The following ARHGAP24 variants were observed in gnomAD, a reference collection of about 807,000 sequenced individuals.
ARHGAP24 encodes the protein rho GTPase-activating protein 24.
Under a neutral mutation model 76.4 loss-of-function variants are expected in ARHGAP24, and 50 were observed. That is an observed-to-expected ratio of 0.65 (90% CI 0.52 to 0.83). ARHGAP24 has a LOEUF of 0.83. Ranked by LOEUF, ARHGAP24 falls within the 40% of genes least tolerant of loss-of-function variation. The pLI is 0.00. For synonymous variants in ARHGAP24, 345 were observed against 323.3 expected, an observed-to-expected ratio of 1.07 and a Z score of -0.72; for missense variants, 930 against 914.2, an observed-to-expected ratio of 1.02 and a Z score of -0.22.
At chr4:85,738,921 A>G (rs966160666) in intron 3 of ARHGAP24, among the ~76,000 whole-genome samples, 1 of 152,152 alleles carries the variant, frequency 6.6e-6, no homozygotes, top group African/African-American at 2.4e-5. Flanking sequence ...ATGTTTCTTA[A>G]AAAGTCTCAT....
intron 3 of ARHGAP24, among the ~76,000 whole-genome samples, chr4:85,777,664 T>C (rs1347160206): frequency 6.6e-6 from 1 of 152,170 alleles, no homozygotes; most frequent in African/African-American, 2.4e-5. Flanking sequence ...AACCCTTTGA[T>C]TTTATTTGAA....
chr4:85,709,541 T>G (rs1192564914), intron 2 of ARHGAP24, among the ~76,000 whole-genome samples: 1 of 152,140 alleles, frequency 6.6e-6, no homozygotes, highest in East Asian at 1.9e-4. Context: ...TGATGACATA[T>G]TAAAAGCATC....
chr4:85,524,946 T>C lies in ARHGAP24; in HGVS notation c.-20-45576T>C, dbSNP rs1369206491. Among the ~76,000 whole-genome samples the C allele has an allele frequency of 2.0e-5, 3 of 152,284 alleles. No homozygotes were observed. In the East Asian group the frequency reaches 5.8e-4, roughly 29 times the overall value. ...ATGAAGGGAGGGGAAAGCTAGGAGA[T>C]GGCTTATGGATTGCCCCAATACTAT... is the stretch of plus-strand genomic sequence containing the variant. On this transcript the variant is annotated intron_variant, in intron 1 of 9. Coordinates refer to ENST00000395184, the MANE Select transcript of ARHGAP24 (RefSeq NM_001025616.3).
intron 5 of ARHGAP24, among the ~76,000 whole-genome samples, chr4:85,944,519 G>A (rs551454413): frequency 4.7e-4 from 72 of 152,234 alleles, no homozygotes; most frequent in South Asian, 1.0e-3. Flanking sequence ...TCTGTAGGTC[G>A]CCTGTTCACG....
At chr4:85,756,130 G>A (rs1009356267) in intron 3 of ARHGAP24, among the ~76,000 whole-genome samples, 11 of 152,000 alleles carry the variant, frequency 7.2e-5, no homozygotes, top group East Asian at 1.9e-4. Context: ...GTATCAATAC[G>A]TTGAGGATAC....
chr4:85,938,355 A>G (rs1276664055), intron 4 of ARHGAP24, among the ~76,000 whole-genome samples: 1 of 152,156 alleles, frequency 6.6e-6, no homozygotes, highest in Non-Finnish European at 1.5e-5. Context: ...CCCAGGGAAT[A>G]TTGTAAATAG....
chr4:85,603,600 C>A (rs954564518), intron 2 of ARHGAP24, among the ~76,000 whole-genome samples: 4 of 152,276 alleles, frequency 2.6e-5, no homozygotes, highest in South Asian at 2.1e-4. Context: ...AGCTGACAGT[C>A]AAACTGAAAC....
chr4:85,497,724 G>T (rs1723634495), intron 1 of ARHGAP24, among the ~76,000 whole-genome samples: 1 of 152,100 alleles, frequency 6.6e-6, no homozygotes, highest in Non-Finnish European at 1.5e-5. Flanking sequence ...AGAGAATGAG[G>T]CAGGAGAATT....
At chr4:85,590,236 TCCTTCCTC>T (rs1728035913) in intron 2 of ARHGAP24, among the ~76,000 whole-genome samples, 1 of 92,596 alleles carries the variant, frequency 1.1e-5, no homozygotes, top group African/African-American at 3.6e-5. Flanking sequence ...CTTCCTTCCT[TCCTTCCTC>T]CCACCTCCCT....
chr4:85,696,832 A>C (rs545618487), intron 2 of ARHGAP24, among the ~76,000 whole-genome samples: 1 of 152,212 alleles, frequency 6.6e-6, no homozygotes, highest in Admixed American at 6.5e-5. Flanking sequence ...CTTATATGAA[A>C]GGACACCATG....
intron 3 of ARHGAP24, among the ~76,000 whole-genome samples, chr4:85,898,804 G>A (rs549510232): frequency 1.3e-5 from 2 of 152,156 alleles, no homozygotes; most frequent in South Asian, 4.1e-4. Flanking sequence ...GAGTGCAATG[G>A]CACTGTCTCA....
At chr4:85,817,614 A>G (rs1021013700) in intron 3 of ARHGAP24, among the ~76,000 whole-genome samples, 9 of 152,220 alleles carry the variant, frequency 5.9e-5, no homozygotes, top group Non-Finnish European at 1.5e-5. Context: ...CTTTTTCCAC[A>G]TAATTCATTT....
intron 3 of ARHGAP24, among the ~76,000 whole-genome samples, chr4:85,807,541 C>T (rs1302702340): frequency 6.6e-6 from 1 of 152,122 alleles, no homozygotes; most frequent in African/African-American, 2.4e-5. Context: ...TATTGTCTTT[C>T]CTTGCCTTAT....
At chr4:85,875,009 TAA>T (rs1229550162) in intron 3 of ARHGAP24, among the ~76,000 whole-genome samples, 1 of 94,836 alleles carries the variant, frequency 1.1e-5, no homozygotes, top group Admixed American at 1.6e-4. Context: ...TATTTATATA[TAA>T]GTTATATAAA....
chr4:85,479,534 A>T (rs1722729693), intron 1 of ARHGAP24, among the ~76,000 whole-genome samples: 1 of 152,188 alleles, frequency 6.6e-6, no homozygotes, highest in Non-Finnish European at 1.5e-5. Context: ...AAATAGAAAC[A>T]CTAATTTTGG....
At chr4:85,483,360 C>T (rs1046032537) in intron 1 of ARHGAP24, among the ~76,000 whole-genome samples, 1 of 152,086 alleles carries the variant, frequency 6.6e-6, no homozygotes, top group African/African-American at 2.4e-5. Flanking sequence ...ATAGGCCAGG[C>T]GCTGTGGCTC....
chr4:85,629,388 T>C (rs1688480468), intron 2 of ARHGAP24, among the ~76,000 whole-genome samples: 1 of 152,212 alleles, frequency 6.6e-6, no homozygotes, highest in Non-Finnish European at 1.5e-5. Flanking sequence ...ATTTATATAC[T>C]ATCTTTATAA....
intron 3 of ARHGAP24, among the ~76,000 whole-genome samples, chr4:85,757,724 A>G (rs2093745132): frequency 6.6e-6 from 1 of 152,150 alleles, no homozygotes; most frequent in Admixed American, 6.5e-5. Context: ...TCCTTTGGGT[A>G]TATACCCAGT....
At chr4:85,635,490 C>T (rs1721285802) in intron 2 of ARHGAP24, among the ~76,000 whole-genome samples, 1 of 151,866 alleles carries the variant, frequency 6.6e-6, no homozygotes, top group African/African-American at 2.4e-5. Flanking sequence ...CCTCATTTCA[C>T]TGAGAAGTGC....
Sources: allele counts gnomAD v4.1 joint callset (sites outside exome capture counted in the v4.1 genomes callset), GRCh38; gene constraint gnomAD v4.1.1; transcripts MANE v1.5; gene names NCBI Gene and HGNC (gene_info 2026-07-23, HGNC 2026-07-21).